Variants in KAZN observed in about 807,000 individuals in gnomAD.
KAZN encodes the protein kazrin.
Under a neutral mutation model 87.4 loss-of-function variants are expected in KAZN, and 40 were observed. The observed-to-expected ratio is 0.46, with a 90% CI of 0.36 to 0.60. The LOEUF (loss-of-function observed/expected upper bound fraction) is 0.60. Among genes scored for constraint, KAZN ranks in the 20% least tolerant of loss-of-function variants. KAZN has a pLI of 0.00. For missense variants in KAZN, 898 were observed against 1,073.9 expected, an observed-to-expected ratio of 0.84 and a Z score of 2.29; for synonymous variants, 466 against 458.3, an observed-to-expected ratio of 1.02 and a Z score of -0.22.
At chr1:13,898,992 G>A (rs1639147226) in intron 1 of KAZN, among the ~76,000 whole-genome samples, 1 of 152,188 alleles carries the variant, frequency 6.6e-6, no homozygotes, top group Admixed American at 6.5e-5. Flanking sequence ...TTAAACAGAC[G>A]AAGATGAGCA....
chr1:14,019,094 G>A (rs1640705237), intron 1 of KAZN, among the ~76,000 whole-genome samples: 1 of 152,070 alleles, frequency 6.6e-6, no homozygotes, highest in Non-Finnish European at 1.5e-5. Flanking sequence ...GATTTAATTA[G>A]TACTGACCAA....
intron 2 of KAZN, among the ~76,000 whole-genome samples, chr1:14,312,001 T>G (rs1039709975): frequency 2.0e-5 from 3 of 152,040 alleles, no homozygotes; most frequent in Non-Finnish European, 4.4e-5. Context: ...TGGAAGTCAA[T>G]TGGATGCCTT....
At chr1:14,218,467 GTA>G (rs1448033580) in intron 2 of KAZN, among the ~76,000 whole-genome samples, 2 of 152,112 alleles carry the variant, frequency 1.3e-5, no homozygotes, top group Non-Finnish European at 2.9e-5. Flanking sequence ...GGCAGAATTT[GTA>G]CAAGATGAGC....
In KAZN at chr1:14,769,409, C is replaced by T. The variant is rs115698185; in HGVS notation, c.226+170186C>T. 1.4e-3 allele frequency among the ~76,000 whole-genome samples: 215 copies of T among 152,196 alleles called. 1 individual carries two copies. Among genetic ancestry groups the T allele is most frequent in the African/African-American group, 5.0e-3 (207 of 41,512 alleles). On this transcript the variant is annotated intron_variant, in intron 1 of 14. Coordinates refer to ENST00000376030, the MANE Select transcript of KAZN (RefSeq NM_201628.3). The surrounding 1 kb of genome is among the most constrained non-coding windows in gnomAD (Gnocchi z 4.1). ...TGCTCTCGTTGCCCAGGCTGGAGTG[C>T]GACGGCGCTATCTTGGCTCACTGCA...
intron 1 of KAZN, among the ~76,000 whole-genome samples, chr1:13,970,634 T>G (rs2101048326): frequency 6.6e-6 from 1 of 152,354 alleles, no homozygotes; most frequent in African/African-American, 2.4e-5. Context: ...TTTGATCTCT[T>G]AAGATTGTTC....
intron 1 of KAZN, among the ~76,000 whole-genome samples, chr1:14,085,025 G>C (rs980793439): frequency 6.6e-6 from 1 of 152,152 alleles, no homozygotes; most frequent in African/African-American, 2.4e-5. Context: ...TGGAAGCTCT[G>C]AGGTGGCTTC....
intron 2 of KAZN, among the ~76,000 whole-genome samples, chr1:14,276,362 T>TTAAGA (rs1652357153): frequency 6.6e-6 from 1 of 152,174 alleles, no homozygotes; most frequent in Non-Finnish European, 1.5e-5. Context: ...CTCTCCTTTA[T>TTAAGA]TAAGATGGTG....
At chr1:14,515,597 A>G (rs992377969) in intron 2 of KAZN, among the ~76,000 whole-genome samples, 10 of 152,118 alleles carry the variant, frequency 6.6e-5, no homozygotes, top group African/African-American at 2.4e-4. Flanking sequence ...GCTCCAGGCC[A>G]CTAACCTCCT....
chr1:14,312,007 G>A (rs901157078), intron 2 of KAZN, among the ~76,000 whole-genome samples: 9 of 152,170 alleles, frequency 5.9e-5, no homozygotes, highest in African/African-American at 2.2e-4. Context: ...TCAATTGGAT[G>A]CCTTCTGCTG....
Position 14,467,184 on chromosome 1 carries a change from G to A in KAZN, c.250-131799G>A, listed in dbSNP as rs570289644. Among the ~76,000 whole-genome samples the A allele has an allele frequency of 4.7e-3, 711 of 152,120 alleles. 8 individuals carry two copies. The highest frequency in any genetic ancestry group is 0.016 in the African/African-American group (677 of 41,514). On this transcript the variant is annotated intron_variant, in intron 2 of 16. Transcript: ENST00000636203. ...TGTATGACATTAACAGCACAAAAGA[G>A]GAGGGAGGGTATTGTGCTTTATTTG...
intron 1 of KAZN, among the ~76,000 whole-genome samples, chr1:14,123,769 T>C (rs1030989274): frequency 1.4e-4 from 22 of 152,128 alleles, no homozygotes; most frequent in Non-Finnish European, 1.2e-4. Context: ...CCTCCCTTAC[T>C]GAAAGCCCCC....
At chr1:14,582,155 C>T (rs954021980) in intron 2 of KAZN, among the ~76,000 whole-genome samples, 2 of 102,620 alleles carry the variant, frequency 1.9e-5, no homozygotes, top group African/African-American at 5.8e-5. Context: ...GCAAAAAAAA[C>T]CTAAAGTTTA....
At chr1:14,278,926 C>CTTTTTTTTT (rs77998358) in intron 2 of KAZN, among the ~76,000 whole-genome samples, 4 of 97,770 alleles carry the variant, frequency 4.1e-5, no homozygotes, top group African/African-American at 8.7e-5. Flanking sequence ...TCAAATTCAG[C>CTTTTTTTTT]TTTTTTTTTT....
intron 2 of KAZN, among the ~76,000 whole-genome samples, chr1:14,562,598 T>G (rs1395032808): frequency 2.0e-5 from 3 of 152,200 alleles, no homozygotes; most frequent in Non-Finnish European, 2.9e-5. Flanking sequence ...CAGCAAGTAT[T>G]CAGCAAAATG....
Position 14,439,892 on chromosome 1 carries a change from G to A in KAZN, c.250-159091G>A, listed in dbSNP as rs557020289. ...CTGTTGTCTGCTCCTTCTTCCCGGA[G>A]GGTCCTTCTTCAGCATGTTTAACAT... On this transcript the variant is annotated intron_variant, in intron 2 of 16. Transcript: ENST00000636203. 2.6e-5 allele frequency among the ~76,000 whole-genome samples: 4 copies of A among 152,212 alleles called. No individual in the cohort carries two copies. In the East Asian group the frequency reaches 7.7e-4, roughly 29 times the overall value.
intron 2 of KAZN, among the ~76,000 whole-genome samples, chr1:14,302,098 G>C (rs1331039005): frequency 6.6e-6 from 1 of 152,170 alleles, no homozygotes; most frequent in Non-Finnish European, 1.5e-5. Flanking sequence ...GGAAAAAATG[G>C]AAGATGCATA....
In KAZN at chr1:15,056,057, T is replaced by C. The variant is rs1293051746; in HGVS notation, c.727-34T>C. On this transcript the variant is annotated intron_variant, in intron 4 of 14. Coordinates refer to ENST00000376030, the MANE Select transcript of KAZN (RefSeq NM_201628.3). This position sits in a 1 kb window ranked among gnomAD's most constrained non-coding sequence, Gnocchi z 5.4. ...GCTGGCCAAGAGTTCCCCTTGATCA[T>C]GACTTCTTCTTCCTGTCTTCTTGCT... 6.3e-7 allele frequency: 1 copy of C among 1,575,618 alleles called. No individual in the cohort carries two copies. Among genetic ancestry groups the C allele is most frequent in the African/African-American group, 1.3e-5 (1 of 74,326 alleles).
intron 1 of KAZN, among the ~76,000 whole-genome samples, chr1:14,149,942 G>A (rs17353924): frequency 0.41 from 61,656 of 151,942 alleles, 12,892 homozygotes; most frequent in Middle Eastern, 0.5. Flanking sequence ...TCTGAAAACT[G>A]CTGGCCTAAA....
At chr1:15,031,075 C>T (rs1019632840) in intron 2 of KAZN, among the ~76,000 whole-genome samples, 13 of 152,222 alleles carry the variant, frequency 8.5e-5, no homozygotes, top group Admixed American at 2.6e-4. Flanking sequence ...CAGGATTGGA[C>T]GTTCAGGACA....
Sources: allele counts gnomAD v4.1 joint callset (sites outside exome capture counted in the v4.1 genomes callset), GRCh38; gene constraint gnomAD v4.1.1; non-coding constraint Gnocchi (gnomAD v3.1); transcripts MANE v1.5; gene names NCBI Gene and HGNC (gene_info 2026-07-23, HGNC 2026-07-21).